Variants in MYO1D observed in about 807,000 individuals in gnomAD.
MYO1D encodes the protein myosin ID.
Under a neutral mutation model 122.0 loss-of-function variants are expected in MYO1D, and 83 were observed. The ratio of observed to expected loss-of-function variants is 0.68; its 90% CI spans 0.57 to 0.82. The LOEUF (loss-of-function observed/expected upper bound fraction) is 0.82. Ranked by LOEUF, MYO1D falls within the 40% of genes least tolerant of loss-of-function variation. The probability of loss-of-function intolerance (pLI) is 0.00; values close to 1 mark genes in which losing one functional copy is unlikely to be tolerated. For missense variants in MYO1D, 1,157 were observed against 1,269.5 expected (o/e 0.91, Z 1.35); for synonymous variants, 464 against 446.9 (o/e 1.04, Z -0.48).
At chr17:32,559,516 A>G (rs927089264) in intron 21 of MYO1D, among the ~76,000 whole-genome samples, 2 of 152,240 alleles carry the variant, frequency 1.3e-5, no homozygotes, top group African/African-American at 4.8e-5. Flanking sequence ...GCTGTAGCCA[A>G]TCCAGCTGCT....
intron 1 of MYO1D, among the ~76,000 whole-genome samples, chr17:32,867,670 G>A (rs1047564029): frequency 2.6e-5 from 4 of 151,614 alleles, no homozygotes; most frequent in African/African-American, 4.8e-5. Context: ...GGTGGCAGGC[G>A]CCTGTAATCC....
intron 1 of MYO1D, among the ~76,000 whole-genome samples, chr17:32,847,540 G>C (rs1026923723): frequency 6.6e-6 from 1 of 152,198 alleles, no homozygotes; most frequent in Non-Finnish European, 1.5e-5. Flanking sequence ...TTTTGAGACT[G>C]AGTCTCACTC....
chr17:32,625,070 C>T (rs779786802), intron 20 of MYO1D, among the ~76,000 whole-genome samples: 15 of 152,280 alleles, frequency 9.9e-5, no homozygotes, highest in Non-Finnish European at 1.6e-4. Context: ...GGATTACAGG[C>T]GTGAGCCACT....
chr17:32,865,523 G>T (rs1277446349), intron 1 of MYO1D, among the ~76,000 whole-genome samples: 1 of 152,148 alleles, frequency 6.6e-6, no homozygotes, highest in African/African-American at 2.4e-5. Flanking sequence ...TTTGTTCCTT[G>T]GTGTGTTTAT....
chr17:32,852,652 T>G (rs892684441), intron 1 of MYO1D, among the ~76,000 whole-genome samples: 2 of 152,188 alleles, frequency 1.3e-5, no homozygotes, highest in African/African-American at 4.8e-5. Flanking sequence ...CATGCATAGT[T>G]TTTTCCTAAC....
At chr17:32,801,711 G>A (rs1364450185) in intron 1 of MYO1D, among the ~76,000 whole-genome samples, 2 of 152,172 alleles carry the variant, frequency 1.3e-5, no homozygotes, top group Non-Finnish European at 2.9e-5. Flanking sequence ...ATGTGTGTGT[G>A]TGCATTCCCC....
chr17:32,771,136 C>T lies in MYO1D; in HGVS notation c.703G>A (p.Ala235Thr). Residue 235 changes from alanine to threonine, a missense_variant, in exon 6 of 22, where the codon GCT becomes ACT. Physicochemically the swap from Ala to Thr is moderately conservative, Grantham distance 58. Transcript: ENST00000318217. The stretch of plus-strand genomic sequence containing the variant: ...GAGGAAATTCTCACCTTTAATTGAG[C>T]TCCCACATGAATATAGTTGTAGGAT... ...LSSYNYIHVGAQLKSSINDAA... is the reference protein window; with the variant it reads ...LSSYNYIHVGTQLKSSINDAA... The T allele has an allele frequency of 6.2e-7, 1 of 1,601,368 alleles. No individual in the cohort carries two copies. The highest frequency in any genetic ancestry group is 8.6e-7 in the Non-Finnish European group (1 of 1,168,802).
In MYO1D at chr17:32,584,984, A is replaced by G. The variant is rs140150481; in HGVS notation, c.2864+20103T>C. On this transcript the variant is annotated intron_variant, in intron 21 of 21. Coordinates refer to ENST00000318217, the MANE Select transcript of MYO1D (RefSeq NM_015194.3). ...ATTCCTAATAGGTCTGTTAATTCAA[A>G]GCATATGACAAGCACAGAAGGCCAA... is the stretch of plus-strand genomic sequence containing the variant. Among the ~76,000 whole-genome samples the G allele has an allele frequency of 3.1e-3, 472 of 152,324 alleles. 2 individuals are homozygous for G. Among genetic ancestry groups the G allele is most frequent in the African/African-American group, 0.011 (444 of 41,570 alleles).
chr17:32,862,623 C>T (rs987088643), intron 1 of MYO1D, among the ~76,000 whole-genome samples: 2 of 152,154 alleles, frequency 1.3e-5, no homozygotes, highest in Admixed American at 1.3e-4. Context: ...AAAATACATA[C>T]ATTGTAGCTA....
chr17:32,738,475 AATC>A, intron 13 of MYO1D, 90 bp from the exon 14 acceptor site: 1 of 1,311,422 alleles, frequency 7.6e-7, no homozygotes, highest in Non-Finnish European at 1.0e-6. Flanking sequence ...GTATCCTGAG[AATC>A]ATAATTGGAC....
intron 20 of MYO1D, among the ~76,000 whole-genome samples, chr17:32,629,712 C>A (rs1371533129): frequency 7.3e-6 from 1 of 136,800 alleles, no homozygotes; most frequent in Non-Finnish European, 1.5e-5. Context: ...GCCTGGGTGA[C>A]AAAGCGAGAT....
intron 10 of MYO1D, chr17:32,755,866 G>A: frequency 2.1e-6 from 1 of 484,392 alleles, no homozygotes; most frequent in East Asian, 3.3e-5. Context: ...TTTCTATCAT[G>A]AAATACACCG....
chr17:32,547,672 C>T (rs1033893351), intron 21 of MYO1D, among the ~76,000 whole-genome samples: 5 of 152,210 alleles, frequency 3.3e-5, no homozygotes, highest in Non-Finnish European at 5.9e-5. Context: ...AGTAGCTCAG[C>T]GCAGTGGGTC....
At chr17:32,508,668 T>G (rs1170240415) in intron 21 of MYO1D, among the ~76,000 whole-genome samples, 2 of 152,182 alleles carry the variant, frequency 1.3e-5, no homozygotes, top group Non-Finnish European at 2.9e-5. Flanking sequence ...AGATATCAAT[T>G]CACGGACTTA....
intron 21 of MYO1D, among the ~76,000 whole-genome samples, chr17:32,519,675 C>T (rs558420239): frequency 7.0e-4 from 106 of 152,074 alleles, no homozygotes; most frequent in African/African-American, 1.8e-3. Flanking sequence ...GCCTGCCCGC[C>T]CTCCTTCCGG....
Position 32,765,520 on chromosome 17 carries a change from G to A in MYO1D, c.832-439C>T, listed in dbSNP as rs141721031. On this transcript the variant is annotated intron_variant, in intron 7 of 21. Coordinates refer to ENST00000318217, the MANE Select transcript of MYO1D (RefSeq NM_015194.3). ...TCGCCCAGGCTGGAGTGCAAGTGGT[G>A]CGATCTTGGCTCACTGCAAGCTCTG... Among the ~76,000 whole-genome samples the A allele has an allele frequency of 6.6e-5, 10 of 151,990 alleles. No individual in the cohort carries two copies. The East Asian group carries it at 2.0e-3, about 30-fold the overall frequency.
chr17:32,592,272 C>T (rs28517567), intron 21 of MYO1D, among the ~76,000 whole-genome samples: 7,722 of 152,208 alleles, frequency 0.051, 654 homozygotes, highest in African/African-American at 0.17. Context: ...CTTTTTAACC[C>T]TCCCTCATCT....
At chr17:32,727,113 C>G (rs987314162) in intron 14 of MYO1D, among the ~76,000 whole-genome samples, 1 of 151,914 alleles carries the variant, frequency 6.6e-6, no homozygotes. Context: ...GATCTTAGGT[C>G]TAACTAAACA....
At chr17:32,835,422 C>A (rs148509590) in intron 1 of MYO1D, among the ~76,000 whole-genome samples, 126 of 152,254 alleles carry the variant, frequency 8.3e-4, no homozygotes, top group African/African-American at 2.9e-3. Context: ...ACTGAAAGGA[C>A]CATGACTTAG....
Sources: gnomAD v4.1 joint callset for allele counts (sites outside exome capture counted in the v4.1 genomes callset) on GRCh38, gnomAD v4.1.1 for gene constraint, MANE v1.5 for transcripts, NCBI Gene and HGNC (gene_info 2026-07-23, HGNC 2026-07-21) for gene names.